AGAP1: variants seen among roughly 807,000 people sequenced by gnomAD.
AGAP1 encodes the protein arf-GAP with GTPase, ANK repeat and PH domain-containing protein 1.
Under a neutral mutation model 105.3 loss-of-function variants are expected in AGAP1, and 29 were observed. That is an observed-to-expected ratio of 0.28 (90% CI 0.21 to 0.38). The LOEUF is 0.38. AGAP1 is among the 10% of genes least tolerant of loss of function. AGAP1 has a pLI of 1.00. For synonymous variants in AGAP1, 509 were observed against 485.9 expected, an observed-to-expected ratio of 1.05 and a Z score of -0.63; for missense variants, 998 against 1,165.1, an observed-to-expected ratio of 0.86 and a Z score of 2.09.
At chr2:235,604,148 T>TAA (rs529957684) in intron 1 of AGAP1, among the ~76,000 whole-genome samples, 1 of 150,570 alleles carries the variant, frequency 6.6e-6, no homozygotes, top group African/African-American at 2.4e-5. Flanking sequence ...GAATGGAATT[T>TAA]AAAAAAAAAA....
chr2:235,688,002 C>T (rs563105278), intron 1 of AGAP1, among the ~76,000 whole-genome samples: 19 of 148,680 alleles, frequency 1.3e-4, no homozygotes, highest in African/African-American at 4.5e-4. Context: ...CCTGGGTTCA[C>T]GCCATTCTCC....
In AGAP1 at chr2:236,012,383, A is replaced by G. The variant is rs1022730696; in HGVS notation, c.1646-24178A>G. 5.3e-5 allele frequency among the ~76,000 whole-genome samples: 8 copies of G among 152,072 alleles called. No homozygotes were observed. Among genetic ancestry groups the G allele is most frequent in the East Asian group, 3.9e-4 (2 of 5,174 alleles). On this transcript the variant is annotated intron_variant, in intron 13 of 17. Coordinates refer to ENST00000304032, the MANE Select transcript of AGAP1 (RefSeq NM_001037131.3). The surrounding 1 kb of genome is among the most constrained non-coding windows in gnomAD (Gnocchi z 4.9). The stretch of plus-strand genomic sequence containing the variant: ...TGAGGAGTGCAGCCTTCTCATGGCT[A>G]CCTCTTTCTGGAACTTGCGAAATAC...
At chr2:236,077,706 CA>C (rs781717219) in intron 16 of AGAP1, among the ~76,000 whole-genome samples, 2 of 152,192 alleles carry the variant, frequency 1.3e-5, no homozygotes, top group African/African-American at 2.4e-5. Flanking sequence ...CCCCCTTGGA[CA>C]TGGGTTTGCA....
In AGAP1 at chr2:235,982,362, T is replaced by A. The variant is rs1393781089; in HGVS notation, c.1645+13739T>A. On this transcript the variant is annotated intron_variant, in intron 13 of 17. Transcript: ENST00000304032. This position sits in a 1 kb window ranked among gnomAD's most constrained non-coding sequence, Gnocchi z 4.9. Reference sequence around the variant, plus strand: ...AATTTAAGATCTATAACTATTTTCATGATTTTCCCCCAAAATATTACTTTA... The same window carrying A: ...AATTTAAGATCTATAACTATTTTCAAGATTTTCCCCCAAAATATTACTTTA... Among the ~76,000 whole-genome samples, 1 of 152,226 alleles carries A rather than the reference T, an allele frequency of 6.6e-6. No homozygotes were observed. The highest frequency in any genetic ancestry group is 2.4e-5 in the African/African-American group (1 of 41,456).
intron 16 of AGAP1, among the ~76,000 whole-genome samples, chr2:236,107,247 T>C (rs915807739): frequency 1.3e-5 from 2 of 152,148 alleles, no homozygotes; most frequent in African/African-American, 4.8e-5. Flanking sequence ...GCCAACCATG[T>C]CCTTGCCCAG....
chr2:235,633,308 A>G lies in AGAP1; in HGVS notation c.164-75871A>G, dbSNP rs1466355367. Among the ~76,000 whole-genome samples, 2 of 152,030 alleles carry G rather than the reference A, an allele frequency of 1.3e-5. No homozygotes were observed. Among genetic ancestry groups the G allele is most frequent in the Non-Finnish European group, 2.9e-5 (2 of 68,000 alleles). On this transcript the variant is annotated intron_variant, in intron 1 of 17. Coordinates refer to ENST00000304032, the MANE Select transcript of AGAP1 (RefSeq NM_001037131.3). The surrounding 1 kb of genome is among the most constrained non-coding windows in gnomAD (Gnocchi z 4.8). ...AGTGGAATTGGACAAATAGGGCATGAGCGGGCCGGGCGTGGTGGCTCATGC... is the reference window on the plus strand; with the variant it reads ...AGTGGAATTGGACAAATAGGGCATGGGCGGGCCGGGCGTGGTGGCTCATGC...
chr2:235,748,529 G>A (rs1575316423), intron 5 of AGAP1, among the ~76,000 whole-genome samples: 2 of 152,202 alleles, frequency 1.3e-5, no homozygotes, highest in East Asian at 1.9e-4. Context: ...TCCCTGGAAC[G>A]GGGGTGCAGC....
At chr2:235,677,721 G>A (rs1046413903) in intron 1 of AGAP1, among the ~76,000 whole-genome samples, 3 of 151,556 alleles carry the variant, frequency 2.0e-5, no homozygotes, top group African/African-American at 7.3e-5. Context: ...TCTTTGAGCC[G>A]GTCTGCTGAC....
chr2:235,699,328 A>G (rs907633896), intron 1 of AGAP1, among the ~76,000 whole-genome samples: 4 of 152,132 alleles, frequency 2.6e-5, no homozygotes, highest in Non-Finnish European at 5.9e-5. Context: ...AGCCTGATGT[A>G]TTTGTAAGAA....
chr2:235,947,226 C>T (rs1431003184), intron 12 of AGAP1, among the ~76,000 whole-genome samples: 2 of 152,052 alleles, frequency 1.3e-5, no homozygotes, highest in African/African-American at 2.4e-5. Context: ...CCCTCGCCAC[C>T]GCCCACCCTT....
chr2:235,932,233 A>G (rs1183315525), intron 12 of AGAP1, among the ~76,000 whole-genome samples: 1 of 152,196 alleles, frequency 6.6e-6, no homozygotes, highest in African/African-American at 2.4e-5. Flanking sequence ...CCAGCCAGGC[A>G]GCCTAGGATG....
Position 235,551,968 on chromosome 2 carries a change from G to C in AGAP1, c.163+57119G>C, listed in dbSNP as rs1403784668. Among the ~76,000 whole-genome samples, 1 of 152,192 alleles carries C rather than the reference G, an allele frequency of 6.6e-6. No homozygotes were observed. The highest frequency in any genetic ancestry group is 1.9e-4 in the East Asian group (1 of 5,188). ...AATTTTACCGTCTTTTAAAAAGGAA[G>C]TTCACAAGATTTCTTGAAAGAACTC... On this transcript the variant is annotated intron_variant, in intron 1 of 17. Transcript: ENST00000304032. The surrounding 1 kb of genome is among the most constrained non-coding windows in gnomAD (Gnocchi z 4.8).
Position 235,734,736 on chromosome 2 carries a change from T to G in AGAP1, c.311-6227T>G, listed in dbSNP as rs1003321738. On this transcript the variant is annotated intron_variant, in intron 3 of 17. Coordinates refer to ENST00000304032, the MANE Select transcript of AGAP1 (RefSeq NM_001037131.3). The surrounding 1 kb of genome is among the most constrained non-coding windows in gnomAD (Gnocchi z 5.3). ...CTCTCTGCCTGTTTGATGTTGGCCCTGTGGATGCTGCAAAACGCAGCAAAC... is the reference window on the plus strand; with the variant it reads ...CTCTCTGCCTGTTTGATGTTGGCCCGGTGGATGCTGCAAAACGCAGCAAAC... Among the ~76,000 whole-genome samples the G allele has an allele frequency of 1.3e-5, 2 of 152,238 alleles. No individual in the cohort carries two copies. Among genetic ancestry groups the G allele is most frequent in the African/African-American group, 4.8e-5 (2 of 41,472 alleles).
rs1321650278 is a variant in AGAP1, at chr2:235,588,760, T to C, written c.163+93911T>C. 2.0e-5 allele frequency among the ~76,000 whole-genome samples: 3 copies of C among 152,176 alleles called. No homozygotes were observed. The East Asian group carries it at 5.8e-4, about 29-fold the overall frequency. ...TAGGGTAAATTATAGATCAAGAATA[T>C]CATACATGTCATTATTCACTGAAAT... On this transcript the variant is annotated intron_variant, in intron 1 of 17. Transcript: ENST00000304032.
chr2:235,673,373 G>A (rs554950510), intron 1 of AGAP1, among the ~76,000 whole-genome samples: 1 of 152,334 alleles, frequency 6.6e-6, no homozygotes, highest in East Asian at 1.9e-4. Context: ...CCCTGTAAAT[G>A]TCCATAGGAT....
intron 1 of AGAP1, among the ~76,000 whole-genome samples, chr2:235,703,457 G>A (rs891971066): frequency 6.6e-6 from 1 of 152,230 alleles, no homozygotes; most frequent in Middle Eastern, 3.4e-3. Context: ...TCTGTGGGTA[G>A]TTGGGCCCTT....
Position 235,958,799 on chromosome 2 carries a change from G to A in AGAP1, c.1484-9663G>A, listed in dbSNP as rs1424329817. ...CTCAAGCAGGCTGCTTGATATTTAT[G>A]CGGACGGAATGTTATTTTATTCCCC... On this transcript the variant is annotated intron_variant, in intron 12 of 17. Transcript: ENST00000304032. This position sits in a 1 kb window ranked among gnomAD's most constrained non-coding sequence, Gnocchi z 4.1. Among the ~76,000 whole-genome samples the A allele has an allele frequency of 1.3e-5, 2 of 152,192 alleles. No homozygotes were observed.
intron 16 of AGAP1, among the ~76,000 whole-genome samples, chr2:236,074,435 C>A (rs1559249483): frequency 1.3e-5 from 2 of 152,154 alleles, no homozygotes. Context: ...AGTTAATGAG[C>A]AGTTTTTATC....
At chr2:235,532,689 T>C (rs1206743415) in intron 1 of AGAP1, among the ~76,000 whole-genome samples, 1 of 152,234 alleles carries the variant, frequency 6.6e-6, no homozygotes. Flanking sequence ...AAAAACACTC[T>C]GGATGCTTTA....
Sources: gnomAD v4.1 joint callset for allele counts (sites outside exome capture counted in the v4.1 genomes callset) on GRCh38, gnomAD v4.1.1 for gene constraint, Gnocchi (gnomAD v3.1) non-coding constraint, MANE v1.5 for transcripts, NCBI Gene and HGNC (gene_info 2026-07-23, HGNC 2026-07-21) for gene names.